Variants in ZNF554 observed in about 807,000 individuals in gnomAD.
ZNF554 encodes zinc finger protein 554.
In ZNF554, 15 loss-of-function variants were observed where a neutral mutation model predicts 21.2. That is an observed-to-expected ratio of 0.71 (90% CI 0.47 to 1.09). The LOEUF is 1.09. Ranked by LOEUF, ZNF554 falls within the 50% of genes least tolerant of loss-of-function variation. The pLI is 0.00. For missense variants in ZNF554, 691 were observed against 662.7 expected, an observed-to-expected ratio of 1.04 and a Z score of -0.47; for synonymous variants, 258 against 251.4, an observed-to-expected ratio of 1.03 and a Z score of -0.25.
At chr19:2,829,836 G>A (rs370098133) in intron 3 of ZNF554, among the ~76,000 whole-genome samples, 3 of 151,936 alleles carry the variant, frequency 2.0e-5, no homozygotes, top group African/African-American at 7.3e-5. Context: ...CTCTGTACCC[G>A]TTAAATTCTC....
chr19:2,834,946 G>C lies in ZNF554; in HGVS notation c.*94G>C. 1 of 1,168,706 alleles carries C rather than the reference G, an allele frequency of 8.6e-7. No individual in the cohort carries two copies. Among genetic ancestry groups the C allele is most frequent in the South Asian group, 1.6e-5 (1 of 63,982 alleles). The allele number at this position is 1,168,706 out of a possible 1,614,324, so 72.4% of individuals were successfully genotyped here. On this transcript the variant is annotated 3_prime_UTR_variant, in exon 5 of 5. Transcript: ENST00000317243. ...GTTGTGATGGATAATTTGAAAAGAA[G>C]TGGGTTTATGTCACCTTCTCACCTT...
chr19:2,823,980 C>A (rs2087296088), intron 2 of ZNF554, among the ~76,000 whole-genome samples: 2 of 152,186 alleles, frequency 1.3e-5, no homozygotes, highest in Admixed American at 6.5e-5. Flanking sequence ...GGACCCACCC[C>A]CTTCTGCCCA....
chr19:2,832,644 CCTT>C (rs2087436729), intron 4 of ZNF554, 150 bp downstream of exon 4: 1 of 722,654 alleles, frequency 1.4e-6, no homozygotes, highest in Non-Finnish European at 2.2e-6. Context: ...GCAGCTTTCT[CCTT>C]CTCTTTACTA....
Position 2,823,113 on chromosome 19 carries a change from G to GTGAGATGTCCTCA in ZNF554, c.126+3_126+15dup. ...TGGGTACCTGCCCCGCTGGTCCCAG[G>GTGAGATGTCCTCA]TGAGATGTCCTCATTCTCCCAAAGG... On this transcript the variant is annotated splice_donor_variant, in intron 2 of 4. Coordinates refer to ENST00000317243, the MANE Select transcript of ZNF554 (RefSeq NM_001102651.2). LOFTEE classifies it high-confidence loss of function. 1 of 1,612,406 alleles carries GTGAGATGTCCTCA rather than the reference G, an allele frequency of 6.2e-7. No individual in the cohort carries two copies. The highest frequency in any genetic ancestry group is 8.5e-7 in the Non-Finnish European group (1 of 1,178,750).
Position 2,821,158 on chromosome 19 carries a change from C to T in ZNF554, c.53+1034C>T, listed in dbSNP as rs1236928031. ...AGGCTGGAGTGCAGTTGCACGATCT[C>T]GGCTCACTGCATCCACCTCGTGGGT... On this transcript the variant is annotated intron_variant, in intron 1 of 4. Coordinates refer to ENST00000317243, the MANE Select transcript of ZNF554 (RefSeq NM_001102651.2). The surrounding 1 kb of genome is among the most constrained non-coding windows in gnomAD (Gnocchi z 8.2). Among the ~76,000 whole-genome samples the T allele has an allele frequency of 1.3e-5, 2 of 151,486 alleles. No individual in the cohort carries two copies. The highest frequency in any genetic ancestry group is 2.1e-4 in the South Asian group (1 of 4,804).
chr19:2,828,056 A>G (rs2087359228), intron 3 of ZNF554, among the ~76,000 whole-genome samples: 1 of 152,154 alleles, frequency 6.6e-6, no homozygotes, highest in African/African-American at 2.4e-5. Flanking sequence ...CACCTCCGCC[A>G]TGATTCAGTT....
At position 2,819,940 on chromosome 19, in the gene ZNF554, G is replaced by A. The variant is rs1334858737; in HGVS notation, c.-132G>A. The A allele has an allele frequency of 9.2e-6, 6 of 651,826 alleles. No homozygotes were observed. Among genetic ancestry groups the A allele is most frequent in the African/African-American group, 5.8e-5 (3 of 52,102 alleles). 40.4% of individuals were successfully genotyped at this position (651,826 alleles called of 1,614,324 possible). A position where few individuals can be genotyped will look rare whatever the true frequency, so the allele number is the denominator to read the frequency against. ...CGGCGAGTTCCTGAGGGGCGCCTGC[G>A]GGGGGCGTCCGCTCCGAGCGCCGAG... On this transcript the variant is annotated 5_prime_UTR_variant, in exon 1 of 5. Coordinates refer to ENST00000317243, the MANE Select transcript of ZNF554 (RefSeq NM_001102651.2).
intron 4 of ZNF554, 62 bp from the exon 5 acceptor site, chr19:2,833,619 G>C: frequency 7.1e-7 from 1 of 1,405,280 alleles, no homozygotes; most frequent in South Asian, 1.5e-5. Flanking sequence ...CTTCTGTCCC[G>C]CTGGTTTTCA....
At position 2,835,717 on chromosome 19, in the gene ZNF554, A is replaced by G. The variant is rs377427509; in HGVS notation, c.*865A>G. On this transcript the variant is annotated 3_prime_UTR_variant, in exon 5 of 5. Coordinates refer to ENST00000317243, the MANE Select transcript of ZNF554 (RefSeq NM_001102651.2). ...TGCTGTCATGGATGGGATCTTGCCA[A>G]GAACCATCACGTGTTAATTTAGTTG... 1 of 152,252 alleles carries G rather than the reference A, an allele frequency of 6.6e-6. No homozygotes were observed. Among genetic ancestry groups the G allele is most frequent in the Admixed American group, 6.5e-5 (1 of 15,282 alleles). The allele number at this position is 152,252 out of a possible 1,614,324, so 9.4% of individuals were successfully genotyped here. A position where few individuals can be genotyped will look rare whatever the true frequency, so the allele number is the denominator to read the frequency against.
In ZNF554 at chr19:2,835,976, G is replaced by A. The variant is rs1420457012; in HGVS notation, c.*1124G>A. ...CTCCGGTAGCTGGGACTACACATGT[G>A]CACCGCTACCACACCCAGCTAAATT... On this transcript the variant is annotated 3_prime_UTR_variant, in exon 5 of 5. Coordinates refer to ENST00000317243, the MANE Select transcript of ZNF554 (RefSeq NM_001102651.2). 6.6e-6 allele frequency among the ~76,000 whole-genome samples: 1 copy of A among 152,020 alleles called. No individual in the cohort carries two copies. Among genetic ancestry groups the A allele is most frequent in the African/African-American group, 2.4e-5 (1 of 41,400 alleles).
chr19:2,830,814 A>G (rs1042095192), intron 3 of ZNF554: 2 of 151,740 alleles, frequency 1.3e-5, no homozygotes, highest in African/African-American at 4.8e-5. Context: ...CCCAGGCTGA[A>G]GTGCAGTGGT....
intron 2 of ZNF554, among the ~76,000 whole-genome samples, chr19:2,823,700 G>A (rs1222376188): frequency 6.6e-6 from 1 of 152,098 alleles, no homozygotes; most frequent in Non-Finnish European, 1.5e-5. Flanking sequence ...GCAGCCTTCA[G>A]TGGAGAGGGT....
Position 2,834,336 on chromosome 19 carries a change from C to A in ZNF554, c.1101C>A (p.Leu367=), listed in dbSNP as rs2087466624. The A allele has an allele frequency of 6.2e-7, 1 of 1,613,822 alleles. No homozygotes were observed. The highest frequency in any genetic ancestry group is 1.1e-5 in the South Asian group (1 of 91,072). ...CGRAFTHSST[L]TRHLRTHTGE... ...GAGCCTTTACGCACAGCTCCACCCT[C>A]ACGCGCCATCTGAGAACTCATACTG... The change falls in exon 5 of 5, where the codon CTC becomes CTA. Residue 367 remains leucine, a synonymous_variant. Transcript: ENST00000317243.
intron 1 of ZNF554, among the ~76,000 whole-genome samples, chr19:2,820,813 T>G (rs927266346): frequency 6.7e-6 from 1 of 148,178 alleles, no homozygotes; most frequent in Non-Finnish European, 1.5e-5. Flanking sequence ...TACAGGCGTA[T>G]GCCACCACGC....
At chr19:2,820,412 G>T (rs1384366372) in intron 1 of ZNF554, among the ~76,000 whole-genome samples, 5 of 152,240 alleles carry the variant, frequency 3.3e-5, no homozygotes, top group Non-Finnish European at 7.3e-5. Flanking sequence ...GCAGAGAGGG[G>T]CTGCCACGCT....
In ZNF554 at chr19:2,823,102, G is replaced by C. The variant is rs181024964; in HGVS notation, c.116G>C (p.Arg39Pro). Residue 39 changes from arginine (R) to proline (P), a missense_variant, in exon 2 of 5, where the codon CGC becomes CCC. Transcript: ENST00000317243. ...EERMAAGYLP[R>P]WSQELVTFED... ...AGAATGGCTGCTGGGTACCTGCCCCGCTGGTCCCAGGTGAGATGTCCTCAT... is the reference window on the plus strand; with the variant it reads ...AGAATGGCTGCTGGGTACCTGCCCCCCTGGTCCCAGGTGAGATGTCCTCAT... 2 of 1,612,858 alleles carry C rather than the reference G, an allele frequency of 1.2e-6. No individual in the cohort carries two copies. The highest frequency in any genetic ancestry group is 1.7e-4 in the Middle Eastern group (1 of 6,056).
intron 3 of ZNF554, chr19:2,832,067 A>G: frequency 3.5e-6 from 1 of 289,174 alleles, no homozygotes; most frequent in South Asian, 6.0e-5. Flanking sequence ...CTGGGGTTAC[A>G]GGCATGCACC....
chr19:2,827,512 A>G, intron 2 of ZNF554, 105 bp from the exon 3 acceptor site: 1 of 1,428,320 alleles, frequency 7.0e-7, no homozygotes, highest in Non-Finnish European at 9.5e-7. Flanking sequence ...TGGACTTTGC[A>G]CCTTGACCTT....
chr19:2,827,940 C>T (rs1452079478), intron 3 of ZNF554, among the ~76,000 whole-genome samples, 197 bp downstream of exon 3: 1 of 152,170 alleles, frequency 6.6e-6, no homozygotes, highest in East Asian at 1.9e-4. Context: ...AAAGTCACAT[C>T]TTACGTGGCG....
Sources: allele counts gnomAD v4.1 joint callset (sites outside exome capture counted in the v4.1 genomes callset), GRCh38; gene constraint gnomAD v4.1.1; non-coding constraint Gnocchi (gnomAD v3.1); transcripts MANE v1.5; gene names NCBI Gene and HGNC (gene_info 2026-07-23, HGNC 2026-07-21).